SCRG1: variants seen among roughly 807,000 people sequenced by gnomAD.
SCRG1 encodes stimulator of chondrogenesis 1, also known as scrapie-responsive protein 1.
A neutral mutation model predicts 7.7 loss-of-function variants in SCRG1; 3 were observed. That is an observed-to-expected ratio of 0.39 (90% CI 0.18 to 1.01). The LOEUF (loss-of-function observed/expected upper bound fraction) is 1.01, where lower values mean the gene tolerates loss of function less well. SCRG1 is among the 50% of genes least tolerant of loss of function. The pLI is 0.36. For missense variants in SCRG1, 110 were observed against 117.2 expected, an observed-to-expected ratio of 0.94 and a Z score of 0.28; for synonymous variants, 46 against 41.2, an observed-to-expected ratio of 1.12 and a Z score of -0.44.
the SCRG1 span, among the ~76,000 whole-genome samples, chr4:173,453,341 C>T: frequency 3.3e-5 from 5 of 152,210 alleles, no homozygotes; most frequent in South Asian, 2.1e-4. Context: ...TGGAAACCTC[C>T]GGACAACTGT....
At chr4:173,407,282 C>T (rs760880601), upstream of SCRG1, among the ~76,000 whole-genome samples, 2 of 150,940 alleles carry the variant, frequency 1.3e-5, no homozygotes. Flanking sequence ...TTTAGGAGGC[C>T]GAGGTGGGCA....
the SCRG1 span, chr4:173,468,140 C>G: frequency 6.6e-6 from 1 of 152,544 alleles, no homozygotes; most frequent in East Asian, 1.9e-4. Flanking sequence ...ACATATACAA[C>G]GGTGGTCCCA....
chr4:173,473,159 T>C, the SCRG1 span, among the ~76,000 whole-genome samples: 10 of 152,356 alleles, frequency 6.6e-5, no homozygotes, highest in South Asian at 6.2e-4. Flanking sequence ...CAAACTTTAG[T>C]TGAGTATCTA....
upstream of SCRG1, among the ~76,000 whole-genome samples, chr4:173,401,535 C>T (rs2126922268): frequency 6.6e-6 from 1 of 152,274 alleles, no homozygotes; most frequent in Middle Eastern, 3.4e-3. Context: ...CTAAATTTCC[C>T]TTATTGTGTT....
the SCRG1 span, among the ~76,000 whole-genome samples, chr4:173,483,234 TAA>T: frequency 1.5e-4 from 7 of 47,550 alleles, no homozygotes; most frequent in African/African-American, 6.0e-4. Flanking sequence ...ATATTATATA[TAA>T]TATATGATAT....
the SCRG1 span, among the ~76,000 whole-genome samples, chr4:173,517,463 A>G: frequency 5.5e-3 from 835 of 151,722 alleles, 3 homozygotes; most frequent in African/African-American, 0.018. Flanking sequence ...GGGGGACACT[A>G]GGGGGAAGTA....
At chr4:173,396,712 T>TTGTGTGTGTGTGTG (rs71594043) in intron 1 of SCRG1, among the ~76,000 whole-genome samples, 1,993 of 106,756 alleles carry the variant, frequency 0.019, 33 homozygotes, top group Middle Eastern at 0.037. Flanking sequence ...ACTGGTAGTT[T>TTGTGTGTGTGTGTG]TGTGTGTGTG....
upstream of SCRG1, among the ~76,000 whole-genome samples, chr4:173,402,054 T>C (rs1211007073): frequency 2.6e-5 from 4 of 152,206 alleles, no homozygotes; most frequent in African/African-American, 9.6e-5. Context: ...TGATGGGCTG[T>C]TACTCAGACC....
At chr4:173,478,032 A>G in the SCRG1 span, among the ~76,000 whole-genome samples, 1 of 152,158 alleles carries the variant, frequency 6.6e-6, no homozygotes, top group Non-Finnish European at 1.5e-5. Flanking sequence ...GGCCTCTCAA[A>G]GAGCTGGGAT....
chr4:173,480,221 T>G, the SCRG1 span, among the ~76,000 whole-genome samples: 1 of 152,200 alleles, frequency 6.6e-6, no homozygotes, highest in Non-Finnish European at 1.5e-5. Flanking sequence ...ACTTTAGGTG[T>G]GTAGGCTATA....
At chr4:173,489,846 G>A in the SCRG1 span, among the ~76,000 whole-genome samples, 1 of 152,164 alleles carries the variant, frequency 6.6e-6, no homozygotes, top group Admixed American at 6.6e-5. Flanking sequence ...TCTGTAAAAG[G>A]TCCAAGGAAT....
chr4:173,457,395 T>C, the SCRG1 span, among the ~76,000 whole-genome samples: 13 of 152,250 alleles, frequency 8.5e-5, no homozygotes, highest in African/African-American at 2.9e-4. Context: ...GATTCTGGAA[T>C]AGAGCCAATT....
At chr4:173,518,694 C>T in the SCRG1 span, among the ~76,000 whole-genome samples, 3 of 152,302 alleles carry the variant, frequency 2.0e-5, no homozygotes, top group African/African-American at 7.2e-5. Context: ...CAGCGGTTAG[C>T]CCCTGCGCCC....
chr4:173,399,451 T>C (rs1739695602), upstream of SCRG1: 1 of 82,096 alleles, frequency 1.2e-5, no homozygotes, highest in African/African-American at 3.8e-5. Context: ...CAGAGTGATT[T>C]TTCCCTTAAG....
At chr4:173,435,461 G>A in the SCRG1 span, among the ~76,000 whole-genome samples, 4 of 152,190 alleles carry the variant, frequency 2.6e-5, no homozygotes, top group African/African-American at 9.7e-5. Flanking sequence ...CTGCTCTCAG[G>A]ATGCTGGGAT....
chr4:173,408,607 G>T (rs1739969186), upstream of SCRG1, among the ~76,000 whole-genome samples: 1 of 152,138 alleles, frequency 6.6e-6, no homozygotes, highest in South Asian at 2.1e-4. Context: ...AATAGAGAAG[G>T]ATAAGTATCT....
At chr4:173,403,015 C>A (rs937186005), upstream of SCRG1, 1 of 152,142 alleles carries the variant, frequency 6.6e-6, no homozygotes, top group Non-Finnish European at 1.5e-5. Context: ...AAAGAGTTTC[C>A]TCTTTGATTA....
At chr4:173,440,362 G>A in the SCRG1 span, among the ~76,000 whole-genome samples, 7 of 152,180 alleles carry the variant, frequency 4.6e-5, no homozygotes, top group Non-Finnish European at 7.3e-5. Flanking sequence ...GAATGGGCAC[G>A]GCTTTGACAT....
the SCRG1 span, among the ~76,000 whole-genome samples, chr4:173,459,698 G>T: frequency 3.9e-4 from 59 of 152,268 alleles, no homozygotes; most frequent in African/African-American, 9.6e-4. Context: ...TAGGAGCTAA[G>T]AAAAGTTTAT....
Sources: allele counts gnomAD v4.1 joint callset (sites outside exome capture counted in the v4.1 genomes callset), GRCh38; gene constraint gnomAD v4.1.1; transcripts MANE v1.5; gene names NCBI Gene and HGNC (gene_info 2026-07-23, HGNC 2026-07-21).